The following COPRS variants were observed in gnomAD, a reference collection of about 807,000 sequenced individuals.
COPRS encodes the protein cooperator of PRMT5.
In COPRS, 11 loss-of-function variants were observed where a neutral mutation model predicts 19.9. The ratio of observed to expected loss-of-function variants is 0.55; its 90% CI spans 0.35 to 0.92. The LOEUF is 0.92. COPRS is among the 40% of genes least tolerant of loss of function. The pLI is 0.01. For missense variants in COPRS, 225 were observed against 229.9 expected, an observed-to-expected ratio of 0.98 and a Z score of 0.14; for synonymous variants, 81 against 82.7, an observed-to-expected ratio of 0.98 and a Z score of 0.11.
rs115112035 is a variant in COPRS at position 31,858,561 on chromosome 17, G to A, written c.99+540C>T. On this transcript the variant is annotated intron_variant, in intron 1 of 3. Coordinates refer to ENST00000302362, the MANE Select transcript of COPRS (RefSeq NM_018405.4). ...TGTAATAACGGTCTGTAACGTTCTC[G>A]GGAAAACCAGGAGCTGTCTAGCTTA... Among the ~76,000 whole-genome samples the A allele has an allele frequency of 5.2e-3, 793 of 152,270 alleles. 4 individuals carry two copies. Among genetic ancestry groups the A allele is most frequent in the African/African-American group, 0.018 (761 of 41,552 alleles).
intron 2 of COPRS, among the ~76,000 whole-genome samples, chr17:31,855,991 T>A (rs1212057320): frequency 2.6e-5 from 2 of 77,362 alleles, no homozygotes; most frequent in Non-Finnish European, 5.7e-5. Flanking sequence ...CAAAACTCCC[T>A]CTCAAAAAAA....
At position 31,852,835 on chromosome 17, in the gene COPRS, T is replaced by C; in HGVS notation, c.362A>G (p.Lys121Arg). 1 of 1,614,052 alleles carries C rather than the reference T, an allele frequency of 6.2e-7. No homozygotes were observed. The highest frequency in any genetic ancestry group is 8.5e-7 in the Non-Finnish European group (1 of 1,179,924). The change falls in exon 3 of 4, where the codon AAA becomes AGA. Residue 121 changes from lysine (K) to arginine (R), a missense_variant. Physicochemically the swap from Lys to Arg is conservative, Grantham distance 26 (BLOSUM62 2). Around this residue, in one of 3 missense-constraint regions of COPRS, gnomAD observed 170 missense variants for 171.4 expected, o/e 0.99. Coordinates refer to ENST00000302362, the MANE Select transcript of COPRS (RefSeq NM_018405.4). Reference sequence around the variant, plus strand: ...ACCATATGGATTCCCTTGATCTGCTTTCAACTCCGAGTCCCAGTCCTCATT... The same window carrying C: ...ACCATATGGATTCCCTTGATCTGCTCTCAACTCCGAGTCCCAGTCCTCATT... ...LFNEDWDSELKADQGNPYDAD... is the reference protein window; with the variant it reads ...LFNEDWDSELRADQGNPYDAD...
Position 31,853,042 on chromosome 17 carries a change from A to T in COPRS, c.167-12T>A, listed in dbSNP as rs1161552320. The T allele has an allele frequency of 6.2e-7, 1 of 1,601,394 alleles. No homozygotes were observed. Among genetic ancestry groups the T allele is most frequent in the South Asian group, 1.1e-5 (1 of 90,834 alleles). On this transcript the variant is annotated splice_polypyrimidine_tract_variant and intron_variant, in intron 2 of 3. Transcript: ENST00000302362. Reference sequence around the variant, plus strand: ...CTGTGTTCCACGGGCTAAATTGACAAAGAGAAGATGGCCTTAGTGACAAAC... The same window carrying T: ...CTGTGTTCCACGGGCTAAATTGACATAGAGAAGATGGCCTTAGTGACAAAC...
chr17:31,855,151 G>A (rs529021323), intron 2 of COPRS, among the ~76,000 whole-genome samples: 41 of 151,536 alleles, frequency 2.7e-4, no homozygotes, highest in Admixed American at 4.6e-4. Flanking sequence ...CGAGGTGGGC[G>A]GATCACCTGA....
intron 2 of COPRS, among the ~76,000 whole-genome samples, chr17:31,854,668 T>C (rs919632314): frequency 1.3e-5 from 2 of 152,222 alleles, no homozygotes; most frequent in African/African-American, 4.8e-5. Flanking sequence ...ACGGCATGGA[T>C]GCACCTTGAA....
intron 1 of COPRS, chr17:31,858,286 C>G: frequency 1.2e-6 from 1 of 808,112 alleles, no homozygotes; most frequent in Non-Finnish European, 1.5e-6. Flanking sequence ...TCCTTTCCTG[C>G]TATGCCCTGA....
chr17:31,858,940 T>G (rs981942032), intron 1 of COPRS, 161 bp downstream of exon 1: 8 of 1,438,674 alleles, frequency 5.6e-6, no homozygotes, highest in Non-Finnish European at 7.2e-6. Flanking sequence ...CTGGCCGTTT[T>G]CAGCTCGAGC....
chr17:31,859,117 G>T lies in COPRS; in HGVS notation c.83C>A (p.Ala28Glu). The T allele has an allele frequency of 9.2e-7, 1 of 1,088,266 alleles. No homozygotes were observed. The highest frequency in any genetic ancestry group is 4.2e-5 in the South Asian group (1 of 23,762). The allele number at this position is 1,088,266 out of a possible 1,614,324, so 67.4% of individuals were successfully genotyped here. ...RGPPLPSARG[A>E]PPSPEAGFAT... ...GGCGCTCACCTCCGGGCTGGGGGGCGCCCCCCGCGCGCTAGGCAGCGGCGG... is the reference window on the plus strand; with the variant it reads ...GGCGCTCACCTCCGGGCTGGGGGGCTCCCCCCGCGCGCTAGGCAGCGGCGG... Residue 28 changes from alanine (A) to glutamate (E), a missense_variant, in exon 1 of 4, where the codon GCG (alanine) becomes GAG (glutamate). By Grantham distance (107) the Ala-to-Glu change is moderately radical. This residue lies in a region of COPRS where 51 missense variants were observed against 39.2 expected (regional missense o/e 1.30). Transcript: ENST00000302362.
At chr17:31,856,023 G>A (rs1299240034) in intron 2 of COPRS, among the ~76,000 whole-genome samples, 1 of 151,620 alleles carries the variant, frequency 6.6e-6, no homozygotes, top group Non-Finnish European at 1.5e-5. Flanking sequence ...CAGGGGGCTG[G>A]GCACAGTGGC....
intron 2 of COPRS, among the ~76,000 whole-genome samples, chr17:31,853,777 A>T (rs1901388570): frequency 6.6e-6 from 1 of 152,182 alleles, no homozygotes. Flanking sequence ...AGAAGACCAG[A>T]ACCCATCTAA....
At position 31,852,870 on chromosome 17, in the gene COPRS, G is replaced by A. The variant is rs140709694; in HGVS notation, c.327C>T (p.Gly109=). ...AGTCCCAGTCCTCATTAAAAAGATCGCCAGGCTGTTCCTTGGGTGGACAGT... is the reference window on the plus strand; with the variant it reads ...AGTCCCAGTCCTCATTAAAAAGATCACCAGGCTGTTCCTTGGGTGGACAGT... The part of the protein sequence containing the change: ...GTNCPPKEQP[G]DLFNEDWDSE... Residue 109 remains glycine (G), a synonymous_variant, in exon 3 of 4, where the codon GGC becomes GGT. Transcript: ENST00000302362. 511 of 1,614,044 alleles carry A rather than the reference G, an allele frequency of 3.2e-4. 2 individuals are homozygous for A. The African/African-American group carries it at 5.9e-3, about 19-fold the overall frequency.
At chr17:31,855,994 C>A (rs867682531) in intron 2 of COPRS, among the ~76,000 whole-genome samples, 168 of 132,842 alleles carry the variant, frequency 1.3e-3, no homozygotes, top group Admixed American at 1.4e-3. Flanking sequence ...AACTCCCTCT[C>A]AAAAAAAAAA....
In COPRS at chr17:31,858,476, C is replaced by T. The variant is rs1036406494; in HGVS notation, c.99+625G>A. On this transcript the variant is annotated intron_variant, in intron 1 of 3. Transcript: ENST00000302362. ...TGCAAACAGCCCTAACAGAGGGTTC[C>T]TACCTTCAAGCCGCTCAGCACCTAG... The T allele has an allele frequency of 1.8e-5, 16 of 904,258 alleles. 1 individual carries two copies. In the African/African-American group the frequency reaches 2.5e-4, roughly 14 times the overall value. 56.0% of individuals were successfully genotyped at this position (904,258 alleles called of 1,614,324 possible). A position where few individuals can be genotyped will look rare whatever the true frequency, so the allele number is the denominator to read the frequency against.
At chr17:31,852,415 T>C (rs1253155116) in intron 3 of COPRS, 107 bp from the exon 4 acceptor site, 7 of 825,366 alleles carry the variant, frequency 8.5e-6, no homozygotes, top group Non-Finnish European at 9.6e-6. Flanking sequence ...CTTGCACTTA[T>C]TTTGTTTAAA....
In COPRS at chr17:31,852,880, T is replaced by A; in HGVS notation, c.317A>T (p.Glu106Val). ...LSEGTNCPPK[E>V]QPGDLFNEDW... The stretch of plus-strand genomic sequence containing the variant: ...CTCATTAAAAAGATCGCCAGGCTGT[T>A]CCTTGGGTGGACAGTTTGTCCCTTC... The change falls in exon 3 of 4, where the codon GAA becomes GTA. Residue 106 changes from glutamate (E) to valine (V), a missense_variant. Glu to Val is a moderately radical substitution (Grantham distance 121). Transcript: ENST00000302362. The A allele has an allele frequency of 6.2e-7, 1 of 1,614,188 alleles. No individual in the cohort carries two copies. The highest frequency in any genetic ancestry group is 8.5e-7 in the Non-Finnish European group (1 of 1,180,028).
In COPRS at chr17:31,857,283, G is replaced by A. The variant is rs564813262; in HGVS notation, c.100-418C>T. Among the ~76,000 whole-genome samples, 6 of 152,312 alleles carry A rather than the reference G, an allele frequency of 3.9e-5. No homozygotes were observed. In the South Asian group the frequency reaches 1.2e-3, roughly 32 times the overall value. ...CCTTAAAGGTTGGAATTTCAGCTCT[G>A]CAGAGCCTTTTCCCTAAGCTTTTAA... On this transcript the variant is annotated intron_variant, in intron 1 of 3. Transcript: ENST00000302362.
intron 2 of COPRS, among the ~76,000 whole-genome samples, chr17:31,853,369 T>C (rs1909222894): frequency 6.6e-6 from 1 of 151,816 alleles, no homozygotes; most frequent in Admixed American, 6.6e-5. Context: ...CAAGCCTGAA[T>C]TAAGTTTTTG....
chr17:31,859,214 G>A lies in COPRS; in HGVS notation c.-15C>T, dbSNP rs186725141. On this transcript the variant is annotated 5_prime_UTR_variant, in exon 1 of 4. Transcript: ENST00000302362. ...TGAAGGTCCATGCCCTGCGGCCCGC[G>A]GCTGGTCGCCCTGGACGCCGTGGGC... is the stretch of plus-strand genomic sequence containing the variant. The A allele has an allele frequency of 0.031, 31,636 of 1,034,030 alleles. 540 individuals carry two copies. The highest frequency in any genetic ancestry group is 0.039 in the Middle Eastern group (87 of 2,232). The allele number at this position is 1,034,030 out of a possible 1,614,324, so 64.1% of individuals were successfully genotyped here.
chr17:31,852,734 C>A, intron 3 of COPRS, 78 bp downstream of exon 3: 1 of 1,019,808 alleles, frequency 9.8e-7, no homozygotes, highest in South Asian at 1.3e-5. Flanking sequence ...GACCCCTGTT[C>A]CAAACTGCCT....
Sources: allele counts gnomAD v4.1 joint callset (sites outside exome capture counted in the v4.1 genomes callset), GRCh38; gene constraint gnomAD v4.1.1; regional missense constraint gnomAD v4.1.1; transcripts MANE v1.5; gene names NCBI Gene and HGNC (gene_info 2026-07-23, HGNC 2026-07-21).